Variants in UNC119B observed in about 807,000 individuals in gnomAD.
UNC119B encodes the protein protein unc-119 homolog B.
UNC119B carries 16 observed loss-of-function variants against 23.4 expected under a neutral mutation model. The ratio of observed to expected loss-of-function variants is 0.68; its 90% confidence interval spans 0.46 to 1.04. The LOEUF (loss-of-function observed/expected upper bound fraction) is 1.04. UNC119B is among the 50% of genes least tolerant of loss of function. The pLI is 0.00. For synonymous variants in UNC119B, 144 were observed against 145.4 expected (o/e 0.99, Z 0.07); for missense variants, 350 against 361.3 (o/e 0.97, Z 0.25).
intron 1 of UNC119B, among the ~76,000 whole-genome samples, chr12:120,712,525 G>A (rs1185252234): frequency 1.3e-5 from 2 of 152,042 alleles, no homozygotes; most frequent in African/African-American, 4.8e-5. Flanking sequence ...TGTCTTCACC[G>A]GCAGATTTAT....
intron 4 of UNC119B, among the ~76,000 whole-genome samples, chr12:120,719,685 G>A (rs1882848290): frequency 6.6e-6 from 1 of 152,156 alleles, no homozygotes; most frequent in Admixed American, 6.5e-5. Context: ...ATGGTGGAGA[G>A]TTGATTGCAT....
intron 4 of UNC119B, among the ~76,000 whole-genome samples, chr12:120,719,431 C>CG (rs1389527780): frequency 6.6e-6 from 1 of 152,204 alleles, no homozygotes; most frequent in Non-Finnish European, 1.5e-5. Flanking sequence ...TCCTTGCACT[C>CG]ATTCCAATCT....
chr12:120,716,418 T>C (rs34734847), intron 2 of UNC119B, among the ~76,000 whole-genome samples: 57,203 of 152,068 alleles, frequency 0.38, 11,192 homozygotes, highest in Middle Eastern at 0.48. Flanking sequence ...ATCTGTAAAA[T>C]AGAGACAGTA....
rs1882790629 is a variant in UNC119B at position 120,716,860 on chromosome 12, T to C, written c.471-10T>C. The C allele has an allele frequency of 6.2e-7, 1 of 1,607,300 alleles. No homozygotes were observed. Among genetic ancestry groups the C allele is most frequent in the Non-Finnish European group, 8.5e-7 (1 of 1,174,638 alleles). ...AGGCAAAGTCGGGCTTACAGAGATT[T>C]ATTTTCCAGGGTGGAGTTCACAGTG... On this transcript the variant is annotated splice_polypyrimidine_tract_variant and intron_variant, in intron 3 of 4. Transcript: ENST00000344651.
At position 120,720,223 on chromosome 12, in the gene UNC119B, C is replaced by T; in HGVS notation, c.*191C>T. The T allele has an allele frequency of 1.7e-6, 1 of 576,826 alleles. No individual in the cohort carries two copies. The highest frequency in any genetic ancestry group is 3.1e-6 in the Non-Finnish European group (1 of 327,174). The allele number at this position is 576,826 out of a possible 1,614,324, so 35.7% of individuals were successfully genotyped here. ...TGTGTTTTCTTCCCCAGTATTTTTT[C>T]TTCCCTTTTTTTCCTGCCCCGTAGG... On this transcript the variant is annotated 3_prime_UTR_variant, in exon 5 of 5. Coordinates refer to ENST00000344651, the MANE Select transcript of UNC119B (RefSeq NM_001080533.3).
At chr12:120,710,755 G>A (rs1448112696) in intron 1 of UNC119B, 37 bp downstream of exon 1, 7 of 1,298,564 alleles carry the variant, frequency 5.4e-6, no homozygotes, top group South Asian at 2.2e-5. Flanking sequence ...CCCTCGCGCC[G>A]TGCCCCGGCT....
intron 4 of UNC119B, among the ~76,000 whole-genome samples, chr12:120,717,752 CAG>C (rs1369029044): frequency 1.3e-5 from 2 of 151,426 alleles, no homozygotes; most frequent in African/African-American, 2.4e-5. Flanking sequence ...TTTGTAGAGA[CAG>C]AGTTTCACCA....
intron 1 of UNC119B, among the ~76,000 whole-genome samples, chr12:120,712,332 C>T (rs1882687350): frequency 6.6e-6 from 1 of 152,162 alleles, no homozygotes; most frequent in Non-Finnish European, 1.5e-5. Flanking sequence ...TCAAGTTTGT[C>T]GTCTTAATAA....
At chr12:120,714,768 T>G (rs1265508004) in intron 2 of UNC119B, among the ~76,000 whole-genome samples, 2 of 118,454 alleles carry the variant, frequency 1.7e-5, no homozygotes, top group Non-Finnish European at 3.6e-5. Flanking sequence ...TGGATTAGAC[T>G]CAAGAGTTGT....
At position 120,710,481 on chromosome 12, in the gene UNC119B, G is replaced by A. The variant is rs377675449; in HGVS notation, c.7G>A (p.Gly3Arg). MS[G>R]SNPKAAAAAS... is the part of the protein sequence containing the mutation. ...CCATCTTGGCGGCGGAGCGATGAGC[G>A]GGTCTAACCCGAAGGCTGCGGCCGC... Residue 3 changes from glycine (G) to arginine (R), a missense_variant, in exon 1 of 5, where the codon GGG (glycine) becomes AGG (arginine). By Grantham distance (125) the Gly-to-Arg change is moderately radical. Coordinates refer to ENST00000344651, the MANE Select transcript of UNC119B (RefSeq NM_001080533.3). The A allele has an allele frequency of 7.9e-5, 102 of 1,295,924 alleles. 1 individual carries two copies. The African/African-American group carries it at 1.4e-3, about 18-fold the overall frequency. 80.3% of individuals were successfully genotyped at this position (1,295,924 alleles called of 1,614,324 possible).
In UNC119B at chr12:120,720,580, A is replaced by C. The variant is rs1882874778; in HGVS notation, c.*548A>C. On this transcript the variant is annotated 3_prime_UTR_variant, in exon 5 of 5. Transcript: ENST00000344651. ...GGTGGGGAGGGAGGGAGGTGCCAAG[A>C]GTGGAGGCACCAAGGAATGGGTGAT... 6.5e-6 allele frequency: 1 copy of C among 153,080 alleles called. No individual in the cohort carries two copies. Among genetic ancestry groups the C allele is most frequent in the African/African-American group, 2.4e-5 (1 of 41,452 alleles). 9.5% of individuals were successfully genotyped at this position (153,080 alleles called of 1,614,324 possible).
At chr12:120,718,590 G>A (rs181686766) in intron 4 of UNC119B, among the ~76,000 whole-genome samples, 10 of 152,244 alleles carry the variant, frequency 6.6e-5, no homozygotes, top group South Asian at 2.1e-4. Context: ...GTGTAGCCTC[G>A]GCAAGGGAAG....
At chr12:120,719,858 C>T (rs1882852189) in intron 4 of UNC119B, 62 bp from the exon 5 acceptor site, 2 of 1,215,916 alleles carry the variant, frequency 1.6e-6, no homozygotes, top group Non-Finnish European at 2.4e-6. Flanking sequence ...TCCCACCTAC[C>T]CTGTGGGGCA....
rs370918664 is a variant in UNC119B at position 120,716,600 on chromosome 12, G to A, written c.359-28G>A. 109 of 1,610,534 alleles carry A rather than the reference G, an allele frequency of 6.8e-5. 3 individuals carry two copies. In the South Asian group the frequency reaches 9.5e-4, roughly 14 times the overall value. On this transcript the variant is annotated intron_variant, in intron 2 of 4. Coordinates refer to ENST00000344651, the MANE Select transcript of UNC119B (RefSeq NM_001080533.3). The stretch of plus-strand genomic sequence containing the variant: ...CTTGGATTGAGAATGTCGAGATGGT[G>A]CACTGAAGATTCTGTGTGCTCTTTC...
chr12:120,710,844 T>TTCCCGCTGCCCCGCC (rs1882648842), intron 1 of UNC119B, 126 bp downstream of exon 1: 1 of 946,800 alleles, frequency 1.1e-6, no homozygotes, highest in African/African-American at 1.7e-5. Context: ...CGGGCCGCGC[T>TTCCCGCTGCCCCGCC]TCCCGCTGCC....
chr12:120,714,927 C>G (rs1882743559), intron 2 of UNC119B, among the ~76,000 whole-genome samples: 1 of 152,162 alleles, frequency 6.6e-6, no homozygotes, highest in South Asian at 2.1e-4. Context: ...GTGGATCACA[C>G]CTGTAATTCT....
chr12:120,715,881 T>C (rs961569157), intron 2 of UNC119B, among the ~76,000 whole-genome samples: 1 of 152,198 alleles, frequency 6.6e-6, no homozygotes, highest in African/African-American at 2.4e-5. Flanking sequence ...AGGAATGGAC[T>C]AGACCGGAGA....
intron 1 of UNC119B, 104 bp downstream of exon 1, chr12:120,710,822 C>T: frequency 2.6e-6 from 3 of 1,147,108 alleles, no homozygotes; most frequent in Non-Finnish European, 3.3e-6. Context: ...CCGCCAGACC[C>T]CCTCGGCCGG....
chr12:120,712,456 A>C (rs993496835), intron 1 of UNC119B, among the ~76,000 whole-genome samples: 2 of 152,182 alleles, frequency 1.3e-5, no homozygotes, highest in Non-Finnish European at 2.9e-5. Flanking sequence ...AATCAGTGAA[A>C]TTTGCTGTGA....
Sources: gnomAD v4.1 joint callset for allele counts (sites outside exome capture counted in the v4.1 genomes callset) on GRCh38, gnomAD v4.1.1 for gene constraint, MANE v1.5 for transcripts, NCBI Gene and HGNC (gene_info 2026-07-23, HGNC 2026-07-21) for gene names.